SOD2: variants seen among roughly 807,000 people sequenced by gnomAD.
The protein encoded by SOD2 is superoxide dismutase 2, also known as superoxide dismutase [Mn], mitochondrial.
In SOD2, 11 loss-of-function variants were observed where a neutral mutation model predicts 27.0. The ratio of observed to expected loss-of-function variants is 0.41; its 90% CI spans 0.26 to 0.67. The LOEUF is 0.67. Ranked by LOEUF, SOD2 falls within the 30% of genes least tolerant of loss-of-function variation. The pLI, the probability that SOD2 is intolerant of heterozygous loss-of-function variation, is 0.34. For synonymous variants in SOD2, 105 were observed against 103.0 expected (o/e 1.02, Z -0.12); for missense variants, 250 against 274.5 (o/e 0.91, Z 0.63).
chr6:159,682,432 C>T lies in SOD2; in HGVS notation c.*61G>A. 1 of 1,514,930 alleles carries T rather than the reference C, an allele frequency of 6.6e-7. No homozygotes were observed. Among genetic ancestry groups the T allele is most frequent in the South Asian group, 1.2e-5 (1 of 80,756 alleles). 93.8% of individuals were successfully genotyped at this position (1,514,930 alleles called of 1,614,324 possible). A position where few individuals can be genotyped will look rare whatever the true frequency, so the allele number is the denominator to read the frequency against. On this transcript the variant is annotated 3_prime_UTR_variant, in exon 5 of 5. Coordinates refer to ENST00000538183, the MANE Select transcript of SOD2 (RefSeq NM_000636.4). ...GAGCAGCTTACTGTATTCTGCAGTA[C>T]TCTATACCACTACAAAAACAGTCAT...
chr6:159,749,116 T>A (rs1779728984), upstream of SOD2: 9 of 986,244 alleles, frequency 9.1e-6, no homozygotes, highest in Non-Finnish European at 1.1e-5. Flanking sequence ...TTTGAATGGT[T>A]GCAAAAACTG....
At chr6:159,700,354 T>G (rs1446708216) in intron 1 of SOD2, among the ~76,000 whole-genome samples, 1 of 152,186 alleles carries the variant, frequency 6.6e-6, no homozygotes, top group Admixed American at 6.5e-5. Context: ...TTACATGGTT[T>G]AAGTTAAAAT....
chr6:159,747,014 T>C (rs183017709), upstream of SOD2, among the ~76,000 whole-genome samples: 2 of 152,316 alleles, frequency 1.3e-5, no homozygotes, highest in East Asian at 1.9e-4. Context: ...TGGCTTCACA[T>C]TGACTATGCA....
Position 159,676,803 on chromosome 6 carries a change from A to C in SOD2, c.*5690T>G, listed in dbSNP as rs768684783. The C allele has an allele frequency of 4.6e-5, 7 of 152,172 alleles. No homozygotes were observed. Among genetic ancestry groups the C allele is most frequent in the Non-Finnish European group, 8.8e-5 (6 of 68,036 alleles). 9.4% of individuals were successfully genotyped at this position (152,172 alleles called of 1,614,324 possible). A position where few individuals can be genotyped will look rare whatever the true frequency, so the allele number is the denominator to read the frequency against. Reference sequence around the variant, plus strand: ...AGTTGGCACCTTAAGATCCTCTTTCACAGCAAAGGAGCAGGACTAAAACCA... The same window carrying C: ...AGTTGGCACCTTAAGATCCTCTTTCCCAGCAAAGGAGCAGGACTAAAACCA... On this transcript the variant is annotated 3_prime_UTR_variant, in exon 5 of 5. Transcript: ENST00000538183.
chr6:159,719,625 CAAA>C (rs1159589385), intron 1 of SOD2, among the ~76,000 whole-genome samples: 4 of 63,692 alleles, frequency 6.3e-5, no homozygotes, highest in Admixed American at 3.6e-4. Context: ...CACCCTTTCT[CAAA>C]AAAAAAAAAA....
rs12663967 is a variant in SOD2 at position 159,700,829 on chromosome 6, A to G, written c.-115-7966T>C. ...GTCTGGTCTCTGGGACATAACATCTATCTTTGTTAAACTCTGACTTTTTAC... is the reference window on the plus strand; with the variant it reads ...GTCTGGTCTCTGGGACATAACATCTGTCTTTGTTAAACTCTGACTTTTTAC... On this transcript the variant is annotated intron_variant, in intron 1 of 2. Transcript: ENST00000401980. Among the ~76,000 whole-genome samples, 299 of 152,232 alleles carry G rather than the reference A, an allele frequency of 2.0e-3. 5 individuals carry two copies. The East Asian group carries it at 0.046, about 24-fold the overall frequency.
chr6:159,746,988 CT>C (rs1242939863), upstream of SOD2, among the ~76,000 whole-genome samples: 14 of 152,152 alleles, frequency 9.2e-5, no homozygotes, highest in Non-Finnish European at 7.3e-5. Flanking sequence ...TATTCTCGCT[CT>C]GTTATCTTAG....
chr6:159,750,283 T>C (rs763591000), intron 1 of SOD2, among the ~76,000 whole-genome samples: 38 of 152,352 alleles, frequency 2.5e-4, no homozygotes, highest in Admixed American at 4.6e-4. Flanking sequence ...TAAAATGTAT[T>C]ATTAACATGT....
At chr6:159,707,569 A>G (rs1777651456) in intron 1 of SOD2, among the ~76,000 whole-genome samples, 1 of 152,228 alleles carries the variant, frequency 6.6e-6, no homozygotes. Flanking sequence ...TAAACCACAA[A>G]GAAGTTGAAT....
Position 159,719,969 on chromosome 6 carries a change from C to G in SOD2, c.-116+7160G>C, listed in dbSNP as rs1052168315. ...GAACTCCCGACCTCAAGTGATCTGC[C>G]TGCCTCGGTCTCCCAAAGTCCTGGG... On this transcript the variant is annotated intron_variant, in intron 1 of 2. Transcript: ENST00000401980. 2.0e-5 allele frequency among the ~76,000 whole-genome samples: 3 copies of G among 151,380 alleles called. No individual in the cohort carries two copies. In the East Asian group the frequency reaches 5.8e-4, roughly 29 times the overall value.
rs555403020 is a variant in SOD2 at position 159,682,380 on chromosome 6, T to C, written c.*113A>G. On this transcript the variant is annotated 3_prime_UTR_variant, in exon 5 of 5. Coordinates refer to ENST00000538183, the MANE Select transcript of SOD2 (RefSeq NM_000636.4). ...TTAAGTTGTTTATGAAATAAGTGAC[T>C]AAGCAACATCAAGAAATGCTACAAT... The C allele has an allele frequency of 1.4e-5, 12 of 830,688 alleles. No homozygotes were observed. The highest frequency in any genetic ancestry group is 2.1e-5 in the Non-Finnish European group (12 of 573,174). The allele number at this position is 830,688 out of a possible 1,614,324, so 51.5% of individuals were successfully genotyped here.
intron 1 of SOD2, chr6:159,753,730 T>C: frequency 1.6e-6 from 2 of 1,273,526 alleles, no homozygotes; most frequent in Non-Finnish European, 2.1e-6. Flanking sequence ...TGCCCTATGA[T>C]TGTATATTAT....
chr6:159,760,984 AT>A (rs1780112210), intron 1 of SOD2: 1 of 152,292 alleles, frequency 6.6e-6, no homozygotes, highest in African/African-American at 2.4e-5. Flanking sequence ...TTGCACTGTT[AT>A]GCAATTTTTT....
At chr6:159,736,392 T>C (rs1778917655) in intron 1 of SOD2, 1 of 970,618 alleles carries the variant, frequency 1.0e-6, no homozygotes. Context: ...GGGATTATCG[T>C]TGTTTGCTTA....
At chr6:159,726,880 C>A in intron 1 of SOD2, 1 of 1,289,202 alleles carries the variant, frequency 7.8e-7, no homozygotes, top group Non-Finnish European at 1.0e-6. Flanking sequence ...AGTAAACGCC[C>A]GCGGCTCGCC....
chr6:159,756,979 G>T (rs1780023578), intron 1 of SOD2, among the ~76,000 whole-genome samples: 1 of 152,114 alleles, frequency 6.6e-6, no homozygotes, highest in Non-Finnish European at 1.5e-5. Context: ...TGTAGTTAGT[G>T]ATGTTTGTTT....
Position 159,682,457 on chromosome 6 carries a change from T to C in SOD2, c.*36A>G. On this transcript the variant is annotated 3_prime_UTR_variant, in exon 5 of 5. Coordinates refer to ENST00000538183, the MANE Select transcript of SOD2 (RefSeq NM_000636.4). Reference sequence around the variant, plus strand: ...CTCTATACCACTACAAAAACAGTCATAAAGAGCTTAACATACTCAGCATAA... The same window carrying C: ...CTCTATACCACTACAAAAACAGTCACAAAGAGCTTAACATACTCAGCATAA... 1.3e-6 allele frequency: 2 copies of C among 1,598,466 alleles called. No homozygotes were observed. The highest frequency in any genetic ancestry group is 1.7e-6 in the Non-Finnish European group (2 of 1,171,886).
intron 1 of SOD2, among the ~76,000 whole-genome samples, chr6:159,734,287 T>G (rs2114886994): frequency 6.6e-6 from 1 of 151,026 alleles, no homozygotes; most frequent in South Asian, 2.1e-4. Context: ...GTGCTGGGAT[T>G]ACAAGTGTGA....
At chr6:159,753,269 T>G (rs1033524132) in intron 1 of SOD2, 1 of 765,274 alleles carries the variant, frequency 1.3e-6, no homozygotes, top group Non-Finnish European at 2.0e-6. Flanking sequence ...GGGTTTATTT[T>G]TACTGCTGTG....
Sources: allele counts gnomAD v4.1 joint callset (sites outside exome capture counted in the v4.1 genomes callset), GRCh38; gene constraint gnomAD v4.1.1; transcripts MANE v1.5; gene names NCBI Gene and HGNC (gene_info 2026-07-23, HGNC 2026-07-21).